The following ABCD4 variants were observed in gnomAD, a reference collection of about 807,000 sequenced individuals.
ABCD4 encodes lysosomal cobalamin transporter ABCD4.
Under a neutral mutation model 86.3 loss-of-function variants are expected in ABCD4, and 53 were observed. That is an observed-to-expected ratio of 0.61 (90% CI 0.49 to 0.77). The LOEUF is 0.77. Among genes scored for constraint, ABCD4 ranks in the 30% least tolerant of loss-of-function variants. The probability of loss-of-function intolerance (pLI) is 0.00; values close to 1 mark genes in which losing one functional copy is unlikely to be tolerated. For missense variants in ABCD4, 757 were observed against 764.5 expected, an observed-to-expected ratio of 0.99 and a Z score of 0.12; for synonymous variants, 328 against 313.6, an observed-to-expected ratio of 1.05 and a Z score of -0.49.
rs1490577771 is a variant in ABCD4, at chr14:74,292,795, C to T, written c.889G>A (p.Val297Ile). Residue 297 changes from valine to isoleucine, a missense_variant, in exon 9 of 19, where the codon GTC becomes ATC. Val to Ile is a conservative substitution (Grantham distance 29, BLOSUM62 3). Coordinates refer to ENST00000356924, the MANE Select transcript of ABCD4 (RefSeq NM_005050.4). ...TCTGCGGGACTCAGGTCTCCATAGA[C>T]CCCGCTGAAAATGGGGATTGCGATG... is the stretch of plus-strand genomic sequence containing the variant. ...VVIAIPIFSG[V>I]YGDLSPAELS... The T allele has an allele frequency of 6.2e-7, 1 of 1,614,134 alleles. No individual in the cohort carries two copies. Among genetic ancestry groups the T allele is most frequent in the Non-Finnish European group, 8.5e-7 (1 of 1,180,016 alleles).
chr14:74,297,859 G>A, intron 4 of ABCD4, 71 bp downstream of exon 4: 1 of 1,519,878 alleles, frequency 6.6e-7, no homozygotes. Flanking sequence ...TCTGCCACCA[G>A]CAGTCTCCAG....
In ABCD4 at chr14:74,301,929, T is replaced by C. The variant is rs1419844492; in HGVS notation, c.38+946A>G. ...GAAAGAAAGAAAGAAAGAAAGAAAA[T>C]GTACACGATGGGATACCACCTTACA... On this transcript the variant is annotated intron_variant, in intron 1 of 18. Transcript: ENST00000356924. 2.7e-5 allele frequency among the ~76,000 whole-genome samples: 4 copies of C among 150,158 alleles called. No individual in the cohort carries two copies. The East Asian group carries it at 7.9e-4, about 30-fold the overall frequency.
At chr14:74,292,915 C>T in intron 8 of ABCD4, 46 bp from the exon 9 acceptor site, 3 of 1,612,616 alleles carry the variant, frequency 1.9e-6, no homozygotes, top group Non-Finnish European at 2.5e-6. Context: ...ATCCACATGC[C>T]CTACAGCGGA....
intron 4 of ABCD4, 191 bp downstream of exon 4, chr14:74,297,739 A>T: frequency 2.3e-6 from 3 of 1,315,076 alleles, no homozygotes; most frequent in Non-Finnish European, 2.9e-6. Context: ...TCTTCTTTTT[A>T]GCTGCCTATT....
At chr14:74,292,012 A>C (rs1488686066) in intron 11 of ABCD4, among the ~76,000 whole-genome samples, 1 of 152,108 alleles carries the variant, frequency 6.6e-6, no homozygotes, top group Non-Finnish European at 1.5e-5. Flanking sequence ...CGGGAGGAGG[A>C]AGCACAGGAA....
intron 1 of ABCD4, 95 bp from the exon 2 acceptor site, chr14:74,300,363 TC>T: frequency 2.6e-6 from 2 of 768,816 alleles, no homozygotes; most frequent in Non-Finnish European, 4.5e-6. Context: ...CTGTAGAGGG[TC>T]CAGGCCATGC....
Position 74,288,206 on chromosome 14 carries a change from C to A in ABCD4, c.1559+1G>T, listed in dbSNP as rs1243310723. 1 of 1,612,060 alleles carries A rather than the reference C, an allele frequency of 6.2e-7. No individual in the cohort carries two copies. Among genetic ancestry groups the A allele is most frequent in the Non-Finnish European group, 8.5e-7 (1 of 1,179,302 alleles). On this transcript the variant is annotated splice_donor_variant, in intron 16 of 18. Coordinates refer to ENST00000356924, the MANE Select transcript of ABCD4 (RefSeq NM_005050.4). LOFTEE classifies it high-confidence loss of function. ...CTGGAGCACCCAAGCTCTTTTCTTA[C>A]CAGTTCCAGTCCACCTGCTGGTCCA...
chr14:74,295,825 C>T, intron 6 of ABCD4, 29 bp downstream of exon 6: 1 of 1,612,814 alleles, frequency 6.2e-7, no homozygotes, highest in East Asian at 2.2e-5. Context: ...TATGCCCCAG[C>T]CCAGAAACCT....
At chr14:74,289,626 G>C in intron 13 of ABCD4, 107 bp from the exon 14 acceptor site, 6 of 1,527,758 alleles carry the variant, frequency 3.9e-6, no homozygotes, top group Non-Finnish European at 5.3e-6. Context: ...AAGGAGGAGA[G>C]GTGGGAACGC....
intron 3 of ABCD4, among the ~76,000 whole-genome samples, 172 bp from the exon 4 acceptor site, chr14:74,298,241 T>C (rs2083392520): frequency 6.6e-6 from 1 of 152,218 alleles, no homozygotes; most frequent in Non-Finnish European, 1.5e-5. Context: ...GGACTTTCCC[T>C]TCCTCACTCA....
chr14:74,300,009 G>A, intron 2 of ABCD4, 141 bp downstream of exon 2: 1 of 611,692 alleles, frequency 1.6e-6, no homozygotes, highest in Non-Finnish European at 2.8e-6. Flanking sequence ...GTTGCAGTGA[G>A]CTGAGATTAT....
chr14:74,288,699 T>C lies in ABCD4; in HGVS notation c.1506+17A>G, dbSNP rs1594827247. 1 of 1,612,282 alleles carries C rather than the reference T, an allele frequency of 6.2e-7. No homozygotes were observed. The highest frequency in any genetic ancestry group is 1.7e-5 in the Admixed American group (1 of 59,808). ...CCCAGGTGGGCTCGGGTCCTGAGGGTCCCTCTCCCCACTTACCAGGCCTGC... is the reference window on the plus strand; with the variant it reads ...CCCAGGTGGGCTCGGGTCCTGAGGGCCCCTCTCCCCACTTACCAGGCCTGC... On this transcript the variant is annotated intron_variant, in intron 15 of 18. Coordinates refer to ENST00000356924, the MANE Select transcript of ABCD4 (RefSeq NM_005050.4).
intron 7 of ABCD4, chr14:74,294,034 C>A: frequency 6.6e-6 from 1 of 151,502 alleles, no homozygotes; most frequent in Non-Finnish European, 1.5e-5. Context: ...GCAGAGGCTG[C>A]AGAATCCAAA....
Position 74,286,452 on chromosome 14 carries a change from G to A in ABCD4, c.*9C>T, listed in dbSNP as rs768922040. The A allele has an allele frequency of 5.6e-6, 9 of 1,613,866 alleles. No individual in the cohort carries two copies. In the South Asian group the frequency reaches 7.7e-5, roughly 14 times the overall value. ...CCACAGTGTGGCTCTCCTTCCAAAAGCCAGAGCTTCATTCCACTTTGATTC... is the reference window on the plus strand; with the variant it reads ...CCACAGTGTGGCTCTCCTTCCAAAAACCAGAGCTTCATTCCACTTTGATTC... On this transcript the variant is annotated 3_prime_UTR_variant, in exon 19 of 19. Coordinates refer to ENST00000356924, the MANE Select transcript of ABCD4 (RefSeq NM_005050.4).
At chr14:74,292,989 C>T in intron 8 of ABCD4, 120 bp from the exon 9 acceptor site, 1 of 1,502,360 alleles carries the variant, frequency 6.7e-7, no homozygotes, top group Non-Finnish European at 9.1e-7. Context: ...GATCCTCATT[C>T]TCCTGAGGAT....
At chr14:74,296,260 T>C in intron 5 of ABCD4, 73 bp downstream of exon 5, 1 of 1,462,564 alleles carries the variant, frequency 6.8e-7, no homozygotes, top group Admixed American at 1.7e-5. Flanking sequence ...AAGCTTCTCT[T>C]GGACCTTGAC....
At position 74,296,309 on chromosome 14, in the gene ABCD4, G is replaced by C. The variant is rs748455703; in HGVS notation, c.542+24C>G. ...CTGAGGGCCCTCTGGGGAAACACCA[G>C]GCTGGGGAGGAGGGAGGCTTCACCT... is the stretch of plus-strand genomic sequence containing the variant. On this transcript the variant is annotated intron_variant, in intron 5 of 18. Coordinates refer to ENST00000356924, the MANE Select transcript of ABCD4 (RefSeq NM_005050.4). 7 of 1,608,170 alleles carry C rather than the reference G, an allele frequency of 4.4e-6. No homozygotes were observed. In the East Asian group the frequency reaches 1.3e-4, roughly 31 times the overall value.
intron 3 of ABCD4, 144 bp downstream of exon 3, chr14:74,299,404 C>T (rs992088830): frequency 2.9e-6 from 3 of 1,028,886 alleles, no homozygotes; most frequent in Admixed American, 2.3e-5. Context: ...TTAATAAAGG[C>T]AACTATCCCT....
Position 74,292,799 on chromosome 14 carries a change from G to A in ABCD4, c.885C>T (p.Ser295=), listed in dbSNP as rs373054781. 1.3e-5 allele frequency: 21 copies of A among 1,614,020 alleles called. No homozygotes were observed. Among genetic ancestry groups the A allele is most frequent in the South Asian group, 5.5e-5 (5 of 91,088 alleles). Residue 295 remains serine, a synonymous_variant, in exon 9 of 19, where the codon AGC becomes AGT. Transcript: ENST00000356924. ...SYVVIAIPIF[S]GVYGDLSPAE... ...CGGGACTCAGGTCTCCATAGACCCC[G>A]CTGAAAATGGGGATTGCGATGACAA...
Sources: allele counts gnomAD v4.1 joint callset (sites outside exome capture counted in the v4.1 genomes callset), GRCh38; gene constraint gnomAD v4.1.1; transcripts MANE v1.5; gene names NCBI Gene and HGNC (gene_info 2026-07-23, HGNC 2026-07-21).